Variants in DAOA observed in about 807,000 individuals in gnomAD.
The protein encoded by DAOA is D-amino acid oxidase activator, also known as D-amino acid oxidase regulator.
Under a neutral mutation model 16.4 loss-of-function variants are expected in DAOA, and 15 were observed. The observed-to-expected ratio is 0.91, with a 90% CI of 0.61 to 1.41. The LOEUF (loss-of-function observed/expected upper bound fraction) is 1.41. DAOA is among the 40% of genes most tolerant of loss of function. The pLI, the probability that DAOA is intolerant of heterozygous loss-of-function variation, is 0.00. For missense variants in DAOA, 230 were observed against 176.8 expected (o/e 1.30, Z -1.71); for synonymous variants, 75 against 59.1 (o/e 1.27, Z -1.23).
intron 4 of DAOA, among the ~76,000 whole-genome samples, chr13:105,485,336 T>C (rs1007590841): frequency 4.6e-5 from 7 of 152,202 alleles, no homozygotes; most frequent in African/African-American, 1.7e-4. Context: ...CACCACTTAC[T>C]TGATCCGTTG....
At chr13:105,489,708 C>T (rs148357581) in intron 4 of DAOA, 193 bp from the exon 5 acceptor site, 3 of 1,214,868 alleles carry the variant, frequency 2.5e-6, no homozygotes, top group African/African-American at 3.1e-5. Flanking sequence ...GTAGTTGTGG[C>T]AGTTAGACCC....
At chr13:105,466,471 A>G (rs1876525608) in intron 2 of DAOA, 139 bp downstream of exon 2, 1 of 1,397,862 alleles carries the variant, frequency 7.2e-7, no homozygotes, top group Non-Finnish European at 9.8e-7. Flanking sequence ...AGCCCAGTAT[A>G]TGGTTCAGCC....
In DAOA at chr13:105,467,092, T is replaced by G; in HGVS notation, c.84T>G (p.Phe28Leu). ...YTLGKIYFIG[F>L]QRSILLSKSE... ...TGGGTAAAATCTACTTCATAGGTTT[T>G]CAAAGGAGCATTCTTCTGAGCAAAT... Residue 28 changes from phenylalanine (F) to leucine (L), a missense_variant, in exon 3 of 6, where the codon TTT (phenylalanine) becomes TTG (leucine). Physicochemically the swap from Phe to Leu is conservative, Grantham distance 22. Coordinates refer to ENST00000375936, the MANE Select transcript of DAOA (RefSeq NM_172370.5). 6.2e-7 allele frequency: 1 copy of G among 1,612,046 alleles called. No homozygotes were observed. The highest frequency in any genetic ancestry group is 8.5e-7 in the Non-Finnish European group (1 of 1,178,818).
At chr13:105,466,947 T>C in intron 2 of DAOA, 106 bp from the exon 3 acceptor site, 1 of 1,360,706 alleles carries the variant, frequency 7.3e-7, no homozygotes, top group East Asian at 2.6e-5. Context: ...AATATGAAAG[T>C]GCTAAACCAT....
At chr13:105,467,926 G>A (rs1263819290) in intron 3 of DAOA, among the ~76,000 whole-genome samples, 1 of 152,140 alleles carries the variant, frequency 6.6e-6, no homozygotes, top group East Asian at 1.9e-4. Flanking sequence ...TCATCAGGCT[G>A]ACAGACATCT....
In DAOA at chr13:105,476,455, G is replaced by C. The variant is rs1028040264; in HGVS notation, c.281+3770G>C. On this transcript the variant is annotated intron_variant, in intron 4 of 5. Coordinates refer to ENST00000375936, the MANE Select transcript of DAOA (RefSeq NM_172370.5). ...AGAGAATAAAAACAACAACAAAAAA[G>C]CCTTTTCGTTATAAAACGTTCACTT... is the stretch of plus-strand genomic sequence containing the variant. Among the ~76,000 whole-genome samples the C allele has an allele frequency of 4.1e-5, 6 of 145,978 alleles. No homozygotes were observed. The East Asian group carries it at 6.1e-4, about 15-fold the overall frequency.
chr13:105,480,290 G>T (rs1353821859), intron 4 of DAOA, among the ~76,000 whole-genome samples: 1 of 152,008 alleles, frequency 6.6e-6, no homozygotes, highest in Non-Finnish European at 1.5e-5. Context: ...GTAGTGAAAT[G>T]AGCTGTGTGA....
At chr13:105,478,069 T>C (rs1013498354) in intron 4 of DAOA, among the ~76,000 whole-genome samples, 3 of 152,224 alleles carry the variant, frequency 2.0e-5, no homozygotes, top group African/African-American at 7.2e-5. Flanking sequence ...ATATTTGGTT[T>C]CTTGGTCATT....
At chr13:105,484,906 T>A (rs948434391) in intron 4 of DAOA, among the ~76,000 whole-genome samples, 2 of 152,120 alleles carry the variant, frequency 1.3e-5, no homozygotes, top group African/African-American at 4.8e-5. Flanking sequence ...CAGGCAATTG[T>A]TGGGATCAAT....
intron 4 of DAOA, among the ~76,000 whole-genome samples, chr13:105,485,765 C>T (rs1878060842): frequency 6.6e-6 from 1 of 152,006 alleles, no homozygotes; most frequent in Non-Finnish European, 1.5e-5. Context: ...GGAAGAACAC[C>T]GTGATGATGG....
At chr13:105,489,827 G>T (rs1878384050) in intron 4 of DAOA, 74 bp from the exon 5 acceptor site, 3 of 1,613,296 alleles carry the variant, frequency 1.9e-6, no homozygotes, top group African/African-American at 2.7e-5. Context: ...CATGGGAAAG[G>T]TGATGACACT....
intron 2 of DAOA, chr13:105,466,534 C>A: frequency 1.3e-6 from 1 of 795,288 alleles, no homozygotes. Context: ...AAGGATCACT[C>A]ATGTTAATGA....
intron 2 of DAOA, 108 bp from the exon 3 acceptor site, chr13:105,466,945 A>G: frequency 7.6e-7 from 1 of 1,315,262 alleles, no homozygotes; most frequent in Non-Finnish European, 9.9e-7. Flanking sequence ...AAAATATGAA[A>G]GTGCTAAACC....
intron 1 of DAOA, 52 bp downstream of exon 1, chr13:105,466,112 G>T (rs1485666540): frequency 3.4e-6 from 3 of 886,242 alleles, no homozygotes; most frequent in Non-Finnish European, 5.0e-6. Context: ...ATCAGCTCCT[G>T]CATGGCAGTG....
At chr13:105,469,062 C>G (rs777032226) in intron 3 of DAOA, among the ~76,000 whole-genome samples, 15 of 152,152 alleles carry the variant, frequency 9.9e-5, no homozygotes, top group Non-Finnish European at 1.5e-4. Context: ...CAGTATGTTT[C>G]AGCATGTATA....
rs575970320 is a variant in DAOA at position 105,475,652 on chromosome 13, G to A, written c.281+2967G>A. On this transcript the variant is annotated intron_variant, in intron 4 of 5. Transcript: ENST00000375936. Reference sequence around the variant, plus strand: ...AAAATATCTCAGATTGATAAATTCCGCTAAATTAATCAAAGGCTGTATTTA... The same window carrying A: ...AAAATATCTCAGATTGATAAATTCCACTAAATTAATCAAAGGCTGTATTTA... Among the ~76,000 whole-genome samples the A allele has an allele frequency of 9.2e-5, 14 of 152,230 alleles. No homozygotes were observed. In the East Asian group the frequency reaches 1.7e-3, roughly 19 times the overall value.
chr13:105,483,061 T>G (rs1297176394), intron 4 of DAOA, among the ~76,000 whole-genome samples: 1 of 152,130 alleles, frequency 6.6e-6, no homozygotes, highest in South Asian at 2.1e-4. Context: ...CTCCTTCCTC[T>G]CCCCAGTTCT....
rs529379879 is a variant in DAOA, at chr13:105,483,645, AT to A, written c.282-6248del. ...CTTTTCATATGCATATTCTCTACCC[AT>A]TTTTTTTCAGTGGTCTGCTAAAGCT... On this transcript the variant is annotated intron_variant, in intron 4 of 5. Transcript: ENST00000375936. Among the ~76,000 whole-genome samples, 1,238 of 150,306 alleles carry A rather than the reference AT, an allele frequency of 8.2e-3. 12 individuals are homozygous for A. Among genetic ancestry groups the A allele is most frequent in the African/African-American group, 0.029 (1,193 of 40,770 alleles).
intron 4 of DAOA, among the ~76,000 whole-genome samples, chr13:105,482,357 A>T (rs1352366552): frequency 6.4e-4 from 92 of 143,000 alleles, no homozygotes; most frequent in Admixed American, 8.4e-4. Context: ...TTTAACTCTC[A>T]TTTTTTTTTT....
Sources: allele counts gnomAD v4.1 joint callset (sites outside exome capture counted in the v4.1 genomes callset), GRCh38; gene constraint gnomAD v4.1.1; transcripts MANE v1.5; gene names NCBI Gene and HGNC (gene_info 2026-07-23, HGNC 2026-07-21).